ABCA13: variants seen among roughly 807,000 people sequenced by gnomAD.
ABCA13 encodes the protein ATP-binding cassette sub-family A member 13.
Under a neutral mutation model 478.7 loss-of-function variants are expected in ABCA13, and 476 were observed. The ratio of observed to expected loss-of-function variants is 0.99; its 90% CI spans 0.92 to 1.07. ABCA13 has a LOEUF of 1.07. ABCA13 is among the 50% of genes least tolerant of loss of function. ABCA13 has a pLI of 0.00. For missense variants in ABCA13, 6,060 were observed against 5,910.6 expected (o/e 1.03, Z -0.83); for synonymous variants, 2,252 against 2,158.9 (o/e 1.04, Z -1.20).
chr7:48,187,129 A>G (rs1254583346), intron 1 of ABCA13, among the ~76,000 whole-genome samples: 1 of 150,480 alleles, frequency 6.6e-6, no homozygotes, highest in Non-Finnish European at 1.5e-5. Context: ...TTTAAAGGCC[A>G]TTTAGCTGTG....
At chr7:48,237,413 C>T (rs1281438161) in intron 8 of ABCA13, among the ~76,000 whole-genome samples, 1 of 152,226 alleles carries the variant, frequency 6.6e-6, no homozygotes, top group East Asian at 1.9e-4. Flanking sequence ...GGACTACTAT[C>T]AACCTTGCTA....
chr7:48,465,836 C>CCG (rs927564320), intron 43 of ABCA13, among the ~76,000 whole-genome samples: 4 of 151,826 alleles, frequency 2.6e-5, no homozygotes, highest in Admixed American at 2.0e-4. Flanking sequence ...CTTTCTCTCC[C>CCG]CTATTCTTCC....
chr7:48,419,822 A>G (rs984336632), intron 41 of ABCA13, among the ~76,000 whole-genome samples: 8 of 152,214 alleles, frequency 5.3e-5, no homozygotes, highest in South Asian at 2.1e-4. Context: ...ACGCTAAGAA[A>G]GAAATTATCT....
Position 48,275,496 on chromosome 7 carries a change from C to G in ABCA13, c.5830C>G (p.Pro1944Ala). ...TAGGGATAGCATCTCTGAACTCTGT[C>G]CTAGTGGTTCCATAAAGCAAGTTGC... ...QTRDSISELCPSGSIKQVALQ... is the reference protein window; with the variant it reads ...QTRDSISELCASGSIKQVALQ... The change falls in exon 17 of 62, where the codon CCT becomes GCT. Residue 1944 changes from proline (P) to alanine (A), a missense_variant. Physicochemically the swap from Pro to Ala is conservative, Grantham distance 27. Coordinates refer to ENST00000435803, the MANE Select transcript of ABCA13 (RefSeq NM_152701.5). 1 of 1,613,834 alleles carries G rather than the reference C, an allele frequency of 6.2e-7. No homozygotes were observed. The highest frequency in any genetic ancestry group is 8.5e-7 in the Non-Finnish European group (1 of 1,179,830).
intron 55 of ABCA13, among the ~76,000 whole-genome samples, chr7:48,579,538 C>T (rs1200193516): frequency 6.6e-6 from 1 of 152,138 alleles, no homozygotes; most frequent in African/African-American, 2.4e-5. Flanking sequence ...CAAAATGGTA[C>T]AACCACTTTG....
At chr7:48,389,730 A>G (rs1030366675) in intron 37 of ABCA13, among the ~76,000 whole-genome samples, 1 of 152,212 alleles carries the variant, frequency 6.6e-6, no homozygotes, top group Non-Finnish European at 1.5e-5. Context: ...AGATTTGATT[A>G]AAGAATCAAA....
intron 10 of ABCA13, among the ~76,000 whole-genome samples, chr7:48,242,162 C>T (rs984746484): frequency 3.9e-5 from 6 of 151,910 alleles, no homozygotes; most frequent in African/African-American, 7.2e-5. Flanking sequence ...ATTAAGTCAC[C>T]GTAATTATCC....
At chr7:48,286,287 A>G (rs1320753920) in intron 19 of ABCA13, among the ~76,000 whole-genome samples, 4 of 152,148 alleles carry the variant, frequency 2.6e-5, no homozygotes, top group South Asian at 2.1e-4. Context: ...AGTATCACAC[A>G]CAGGGTTTTA....
intron 27 of ABCA13, among the ~76,000 whole-genome samples, chr7:48,330,311 A>G (rs1300563679): frequency 6.6e-6 from 1 of 151,308 alleles, no homozygotes; most frequent in Non-Finnish European, 1.5e-5. Flanking sequence ...CCATTCATCC[A>G]TCCATCTACC....
chr7:48,606,442 G>C (rs1285517478), intron 58 of ABCA13, among the ~76,000 whole-genome samples: 2 of 152,152 alleles, frequency 1.3e-5, no homozygotes, highest in East Asian at 3.9e-4. Context: ...ATTCCTTTCT[G>C]TTTGTTAGTT....
At chr7:48,470,516 G>A (rs1827368002) in intron 44 of ABCA13, among the ~76,000 whole-genome samples, 1 of 152,138 alleles carries the variant, frequency 6.6e-6, no homozygotes, top group African/African-American at 2.4e-5. Flanking sequence ...ACTCTCTTAG[G>A]TGTTATTTCC....
intron 31 of ABCA13, among the ~76,000 whole-genome samples, chr7:48,358,622 A>C (rs541997514): frequency 6.6e-6 from 1 of 151,966 alleles, no homozygotes; most frequent in African/African-American, 2.4e-5. Context: ...TGTATGACAC[A>C]CATTCTATGC....
At position 48,645,429 on chromosome 7, in the gene ABCA13, T is replaced by TTTGCTTCTGAGCA. The variant is rs1310813058; in HGVS notation, c.15095_15107dup (p.Gln5036HisfsTer4). 6.4e-7 allele frequency: 1 copy of TTTGCTTCTGAGCA among 1,569,248 alleles called. No individual in the cohort carries two copies. The highest frequency in any genetic ancestry group is 1.9e-5 in the Admixed American group (1 of 53,422). On this transcript the variant is annotated frameshift_variant, in exon 62 of 62. Coordinates refer to ENST00000435803, the MANE Select transcript of ABCA13 (RefSeq NM_152701.5). LOFTEE classifies it low-confidence loss of function (END_TRUNC). ...TGGTTTTTTTCAGGTATTTATTAAT[T>TTTGCTTCTGAGCA]TTGCTTCTGAGCAGCAGCAAACTCT...
At chr7:48,600,869 T>C (rs957947967) in intron 58 of ABCA13, among the ~76,000 whole-genome samples, 3 of 152,210 alleles carry the variant, frequency 2.0e-5, no homozygotes, top group Non-Finnish European at 2.9e-5. Flanking sequence ...TCTGTCCATA[T>C]GAAAAATGTG....
At chr7:48,198,708 T>G (rs1997125) in intron 3 of ABCA13, among the ~76,000 whole-genome samples, 8,182 of 152,316 alleles carry the variant, frequency 0.054, 233 homozygotes, top group East Asian at 0.12. Context: ...AGAACAATTA[T>G]TTTTTGAGCT....
intron 48 of ABCA13, among the ~76,000 whole-genome samples, chr7:48,492,669 C>G (rs1391998562): frequency 6.6e-6 from 1 of 152,080 alleles, no homozygotes; most frequent in Non-Finnish European, 1.5e-5. Flanking sequence ...ATTGCTGTTG[C>G]CATGCCCTTG....
Position 48,350,626 on chromosome 7 carries a change from C to G in ABCA13, c.10205-17C>G, listed in dbSNP as rs1402528099. The G allele has an allele frequency of 3.1e-6, 5 of 1,606,354 alleles. No individual in the cohort carries two copies. The highest frequency in any genetic ancestry group is 3.4e-5 in the Admixed American group (2 of 59,472). On this transcript the variant is annotated splice_polypyrimidine_tract_variant and intron_variant, in intron 29 of 61. Coordinates refer to ENST00000435803, the MANE Select transcript of ABCA13 (RefSeq NM_152701.5). ...GATACAGAAGTTGATGTGTCCTAAT[C>G]TGTTCACTTTCCTCAGGAGGGCTGC...
intron 48 of ABCA13, 63 bp from the exon 49 acceptor site, chr7:48,506,273 A>G (rs1758316286): frequency 6.5e-7 from 1 of 1,538,550 alleles, no homozygotes; most frequent in African/African-American, 1.4e-5. Context: ...TAGCCTGTAG[A>G]TGAGCTGCGA....
chr7:48,180,444 G>A (rs1795516933), intron 1 of ABCA13, among the ~76,000 whole-genome samples: 1 of 152,054 alleles, frequency 6.6e-6, no homozygotes, highest in Admixed American at 6.5e-5. Context: ...TTTTGAGATG[G>A]AGTTTTTCTC....
Sources: gnomAD v4.1 joint callset for allele counts (sites outside exome capture counted in the v4.1 genomes callset) on GRCh38, gnomAD v4.1.1 for gene constraint, MANE v1.5 for transcripts, NCBI Gene and HGNC (gene_info 2026-07-23, HGNC 2026-07-21) for gene names.